The following SRSF11 variants were observed in gnomAD, a reference collection of about 807,000 sequenced individuals.
The protein encoded by SRSF11 is serine/arginine-rich splicing factor 11.
Under a neutral mutation model 56.0 loss-of-function variants are expected in SRSF11, and 9 were observed. The observed-to-expected ratio is 0.16, with a 90% CI of 0.10 to 0.28. The LOEUF is 0.28. Among genes scored for constraint, SRSF11 ranks in the 10% least tolerant of loss-of-function variants. The pLI is 1.00. For synonymous variants in SRSF11, 222 were observed against 215.3 expected (o/e 1.03, Z -0.27); for missense variants, 421 against 600.7 (o/e 0.70, Z 3.13).
Position 70,221,400 on chromosome 1 carries a change from G to T in SRSF11, c.-237G>T. On this transcript the variant is annotated 5_prime_UTR_variant, in exon 1 of 12. In the 5' UTR this introduces an upstream ATG that the reference lacks. Coordinates refer to ENST00000370949, the MANE Select transcript of SRSF11 (RefSeq NM_001350605.2). The stretch of plus-strand genomic sequence containing the variant: ...CCGCTAGTGTCGTGGTTGGAGGCGA[G>T]GTGGGGCGGCCGTTTGTTTTCTCGT... The T allele has an allele frequency of 1.9e-6, 1 of 535,980 alleles. No homozygotes were observed. The highest frequency in any genetic ancestry group is 3.2e-6 in the Non-Finnish European group (1 of 308,374). 33.2% of individuals were successfully genotyped at this position (535,980 alleles called of 1,614,324 possible).
At chr1:70,209,736 G>A (rs1669370045) in intron 1 of SRSF11, among the ~76,000 whole-genome samples, 1 of 76,252 alleles carries the variant, frequency 1.3e-5, no homozygotes. Context: ...AAAGCACCTC[G>A]CTTCTTTTTT....
Position 70,250,017 on chromosome 1 carries a change from G to T in SRSF11, c.1088G>T (p.Arg363Ile), listed in dbSNP as rs759060433. The change falls in exon 10 of 12, where the codon AGA becomes ATA. Residue 363 changes from arginine to isoleucine, a missense_variant. By Grantham distance (97) the Arg-to-Ile change is moderately conservative. This residue lies in a region of SRSF11 where 253 missense variants were observed against 305.8 expected (regional missense o/e 0.83). Coordinates refer to ENST00000370949, the MANE Select transcript of SRSF11 (RefSeq NM_001350605.2). ...RSPKKPRSPK[R>I]KLSRSPSPRR... ...CCTAAAAAGCCTCGGTCTCCTAAAA[G>T]AAAATTGTCCCGCTCACCATCCCCT... 1.5e-5 allele frequency: 25 copies of T among 1,614,018 alleles called. No homozygotes were observed. Among genetic ancestry groups the T allele is most frequent in the Non-Finnish European group, 2.1e-5 (25 of 1,179,964 alleles).
At chr1:70,231,520 A>G in intron 2 of SRSF11, 1 of 1,061,962 alleles carries the variant, frequency 9.4e-7, no homozygotes, top group Non-Finnish European at 1.1e-6. Context: ...ATTTTTTGGT[A>G]TGGTTAGCAT....
At chr1:70,231,580 C>T (rs1328945306) in intron 2 of SRSF11, 1 of 1,125,796 alleles carries the variant, frequency 8.9e-7, no homozygotes, top group African/African-American at 1.6e-5. Context: ...AGGAATGTGC[C>T]ATGTTGTTTT....
chr1:70,234,920 AG>A, intron 4 of SRSF11, 132 bp downstream of exon 4: 4 of 661,228 alleles, frequency 6.0e-6, no homozygotes, highest in Non-Finnish European at 1.0e-5. Context: ...TAAACTTGTC[AG>A]AGCTTTAAAC....
At chr1:70,236,133 A>G (rs1239619999) in intron 5 of SRSF11, among the ~76,000 whole-genome samples, 4 of 152,178 alleles carry the variant, frequency 2.6e-5, no homozygotes, top group African/African-American at 7.2e-5. Flanking sequence ...GTTGGACTTC[A>G]GTAGTTAGTG....
At chr1:70,229,905 A>G in intron 2 of SRSF11, 5 of 985,218 alleles carry the variant, frequency 5.1e-6, no homozygotes, top group Non-Finnish European at 3.6e-6. Flanking sequence ...AGATAGATAA[A>G]TTTTTGAGTT....
At chr1:70,225,497 C>G (rs953084008) in intron 1 of SRSF11, among the ~76,000 whole-genome samples, 8 of 152,150 alleles carry the variant, frequency 5.3e-5, no homozygotes, top group Admixed American at 3.3e-4. Flanking sequence ...AAATTCTCCA[C>G]TTAGCACACT....
intron 2 of SRSF11, chr1:70,231,464 A>C (rs968004356): frequency 5.7e-6 from 6 of 1,052,780 alleles, no homozygotes; most frequent in African/African-American, 1.7e-5. Context: ...TTTTTGGCTT[A>C]AGGAGTTTGG....
rs1361547327 is a variant in SRSF11, at chr1:70,228,497, G to A, written c.279G>A (p.Gln93=). Residue 93 remains glutamine (Q), a synonymous_variant, in exon 2 of 12, where the codon CAG becomes CAA. Transcript: ENST00000370949. ...FHDPDSAVVA[Q]HLTNTVFVDR... ...ATCCAGACTCAGCAGTTGTGGCACA[G>A]CATCTGACAAACACTGTATTCGTTG... 6 of 1,613,752 alleles carry A rather than the reference G, an allele frequency of 3.7e-6. No individual in the cohort carries two copies. Among genetic ancestry groups the A allele is most frequent in the Admixed American group, 1.7e-5 (1 of 60,006 alleles).
intron 6 of SRSF11, among the ~76,000 whole-genome samples, chr1:70,238,350 A>T (rs889059696): frequency 1.3e-5 from 2 of 152,216 alleles, no homozygotes; most frequent in Non-Finnish European, 2.9e-5. Context: ...AAGTGACTGA[A>T]TGTAGTTTCT....
intron 2 of SRSF11, chr1:70,229,669 A>T: frequency 1.0e-6 from 1 of 985,108 alleles, no homozygotes; most frequent in Non-Finnish European, 1.2e-6. Flanking sequence ...GAATCTTAAT[A>T]TTGTTCATTT....
At chr1:70,223,930 T>C (rs538252910) in intron 1 of SRSF11, among the ~76,000 whole-genome samples, 5 of 152,278 alleles carry the variant, frequency 3.3e-5, no homozygotes, top group Admixed American at 3.3e-4. Flanking sequence ...CAGTTGGCCT[T>C]CTTCATCTCT....
At chr1:70,233,501 A>G (rs954640152) in intron 3 of SRSF11, among the ~76,000 whole-genome samples, 13 of 152,178 alleles carry the variant, frequency 8.5e-5, no homozygotes, top group Admixed American at 7.9e-4. Context: ...TGGCCTCCCA[A>G]AGTGCTGGGA....
At position 70,250,406 on chromosome 1, in the gene SRSF11, G is replaced by A. The variant is rs774574939; in HGVS notation, c.1160G>A (p.Ser387Asn). Residue 387 changes from serine to asparagine, a missense_variant, in exon 11 of 12, where the codon AGT becomes AAT. By Grantham distance (46) the Ser-to-Asn change is conservative. This residue lies in a region of SRSF11 where 253 missense variants were observed against 305.8 expected (regional missense o/e 0.83). Transcript: ENST00000370949. The part of the protein sequence containing the change: ...EKKKDKDKER[S>N]RDERERSTSK... ...AAGAAAGATAAAGACAAAGAAAGAA[G>A]TAGGGATGAAAGAGAACGATCAACA... 1 of 1,601,656 alleles carries A rather than the reference G, an allele frequency of 6.2e-7. No individual in the cohort carries two copies. The highest frequency in any genetic ancestry group is 8.6e-7 in the Non-Finnish European group (1 of 1,168,912).
At chr1:70,231,980 T>G in intron 2 of SRSF11, 4 of 1,528,236 alleles carry the variant, frequency 2.6e-6, no homozygotes, top group East Asian at 2.5e-5. Context: ...GTACAGGTGA[T>G]GAAATCTTGG....
At chr1:70,224,764 A>G (rs1671402300) in intron 1 of SRSF11, among the ~76,000 whole-genome samples, 1 of 152,378 alleles carries the variant, frequency 6.6e-6, no homozygotes, top group East Asian at 1.9e-4. Flanking sequence ...CTGTCTCTAC[A>G]GCATGATGGC....
intron 9 of SRSF11, 109 bp downstream of exon 9, chr1:70,247,016 T>TTCA: frequency 3.5e-6 from 4 of 1,127,922 alleles, no homozygotes; most frequent in Non-Finnish European, 4.8e-6. Context: ...ATTTCAGTGT[T>TTCA]GAAAAAAGTT....
At chr1:70,230,722 G>A in intron 2 of SRSF11, 1 of 1,194,618 alleles carries the variant, frequency 8.4e-7, no homozygotes, top group Non-Finnish European at 1.1e-6. Flanking sequence ...AATGGATGCA[G>A]ATCTTCTATC....
Sources: gnomAD v4.1 joint callset for allele counts (sites outside exome capture counted in the v4.1 genomes callset) on GRCh38, gnomAD v4.1.1 for gene constraint, gnomAD v4.1.1 regional missense constraint, MANE v1.5 for transcripts, NCBI Gene and HGNC (gene_info 2026-07-23, HGNC 2026-07-21) for gene names.